ANKRD31: variants seen among roughly 807,000 people sequenced by gnomAD.
ANKRD31 encodes ankyrin repeat domain-containing protein 31.
Under a neutral mutation model 186.0 loss-of-function variants are expected in ANKRD31, and 147 were observed. The observed-to-expected ratio is 0.79, with a 90% confidence interval of 0.69 to 0.91. ANKRD31 has a LOEUF of 0.91. ANKRD31 is among the 40% of genes least tolerant of loss of function. The probability of loss-of-function intolerance (pLI) is 0.00; values close to 1 mark genes in which losing one functional copy is unlikely to be tolerated. For missense variants in ANKRD31, 1,986 were observed against 2,148.8 expected, an observed-to-expected ratio of 0.92 and a Z score of 1.50; for synonymous variants, 673 against 736.4, an observed-to-expected ratio of 0.91 and a Z score of 1.39.
intron 21 of ANKRD31, among the ~76,000 whole-genome samples, chr5:75,106,276 T>G (rs1747324661): frequency 6.6e-6 from 1 of 152,050 alleles, no homozygotes; most frequent in Non-Finnish European, 1.5e-5. Flanking sequence ...TGAAATGGTC[T>G]CAGGAACCCC....
At chr5:75,087,746 A>AAAAATATTTCTCAAAT (rs1451262473) in intron 23 of ANKRD31, among the ~76,000 whole-genome samples, 3 of 152,236 alleles carry the variant, frequency 2.0e-5, no homozygotes, top group African/African-American at 7.2e-5. Flanking sequence ...CTAAGAAAAT[A>AAAAATATTTCTCAAAT]AAAATATTTC....
chr5:75,221,243 G>C (rs1039572241), intron 3 of ANKRD31, among the ~76,000 whole-genome samples: 1 of 152,056 alleles, frequency 6.6e-6, no homozygotes, highest in African/African-American at 2.4e-5. Flanking sequence ...TAGTACCCAG[G>C]TGATAATAAT....
intron 4 of ANKRD31, among the ~76,000 whole-genome samples, chr5:75,206,861 T>A (rs1267527884): frequency 2.6e-5 from 4 of 152,190 alleles, no homozygotes; most frequent in Non-Finnish European, 4.4e-5. Flanking sequence ...TGATAGTTTG[T>A]CATTAGTTTT....
chr5:75,208,037 A>G (rs1021428473), intron 4 of ANKRD31, among the ~76,000 whole-genome samples: 3 of 152,152 alleles, frequency 2.0e-5, no homozygotes, highest in Non-Finnish European at 4.4e-5. Context: ...ACATATTAAT[A>G]TATTTTTATG....
In ANKRD31 at chr5:75,210,791, C is replaced by A. The variant is rs759868867; in HGVS notation, c.326+37G>T. On this transcript the variant is annotated intron_variant, in intron 4 of 25. Coordinates refer to ENST00000506364, the MANE Select transcript of ANKRD31 (RefSeq NM_001372053.1). Reference sequence around the variant, plus strand: ...TTAGATGTGCAAAATGACAAAAATACCTACAACATAATGAAGCCAAAAATT... The same window carrying A: ...TTAGATGTGCAAAATGACAAAAATAACTACAACATAATGAAGCCAAAAATT... The A allele has an allele frequency of 5.0e-6, 7 of 1,407,030 alleles. No homozygotes were observed. The African/African-American group carries it at 7.4e-5, about 15-fold the overall frequency. The allele number at this position is 1,407,030 out of a possible 1,614,324, so 87.2% of individuals were successfully genotyped here.
At chr5:75,107,243 T>A (rs1281593579) in intron 21 of ANKRD31, among the ~76,000 whole-genome samples, 2 of 152,004 alleles carry the variant, frequency 1.3e-5, no homozygotes, top group Admixed American at 1.3e-4. Flanking sequence ...GCCTGTGGGA[T>A]TCACAACCAG....
In ANKRD31 at chr5:75,155,262, G is replaced by T. The variant is rs192436363; in HGVS notation, c.1708-917C>A. Reference sequence around the variant, plus strand: ...TTCCAGCAATAGTCTAGTCCAATAGGTATGTATGTATGTATATATACATAA... The same window carrying T: ...TTCCAGCAATAGTCTAGTCCAATAGTTATGTATGTATGTATATATACATAA... On this transcript the variant is annotated intron_variant, in intron 11 of 25. Transcript: ENST00000506364. 7.9e-3 allele frequency among the ~76,000 whole-genome samples: 1,156 copies of T among 147,178 alleles called. 5 individuals are homozygous for T. The highest frequency in any genetic ancestry group is 0.012 in the Non-Finnish European group (803 of 67,846).
chr5:75,078,866 G>A (rs114501879), intron 25 of ANKRD31, among the ~76,000 whole-genome samples: 2,150 of 152,264 alleles, frequency 0.014, 42 homozygotes, highest in African/African-American at 0.049. Context: ...TAGGCAAAAA[G>A]GCGAGAGGCT....
Position 75,210,851 on chromosome 5 carries a change from T to C in ANKRD31, c.303A>G (p.Thr101=). The change falls in exon 4 of 26, where the codon ACA becomes ACG. Residue 101 remains threonine, a synonymous_variant. Coordinates refer to ENST00000506364, the MANE Select transcript of ANKRD31 (RefSeq NM_001372053.1). ...ACTGTAACAGAGCTTGATTTCGTTC[T>C]GTTTCATCTTGAGACTGCTAGGAAA... ...EDTILQSQDE[T]ERNQALLQTR... is the part of the protein sequence containing the mutation. 1 of 1,515,444 alleles carries C rather than the reference T, an allele frequency of 6.6e-7. No individual in the cohort carries two copies. Among genetic ancestry groups the C allele is most frequent in the Non-Finnish European group, 8.8e-7 (1 of 1,139,904 alleles). 93.9% of individuals were successfully genotyped at this position (1,515,444 alleles called of 1,614,324 possible).
chr5:75,105,662 T>C (rs560536315), intron 21 of ANKRD31, among the ~76,000 whole-genome samples: 3 of 152,304 alleles, frequency 2.0e-5, no homozygotes, highest in African/African-American at 7.2e-5. Context: ...TAAGTACAAT[T>C]TGAAAGTTCT....
chr5:75,147,189 TCTA>T lies in ANKRD31; in HGVS notation c.2219_2221del (p.Val740del), dbSNP rs1751508757. 1 of 1,536,348 alleles carries T rather than the reference TCTA, an allele frequency of 6.5e-7. No individual in the cohort carries two copies. Among genetic ancestry groups the T allele is most frequent in the Non-Finnish European group, 8.7e-7 (1 of 1,146,306 alleles). ...CTTTCTTGGATTACAGTCTACATCATCTACTTGGGTCCTTTTATGTTGTGTTTT... is the reference window on the plus strand; with the variant it reads ...CTTTCTTGGATTACAGTCTACATCATCTTGGGTCCTTTTATGTTGTGTTTT... On this transcript the variant is annotated inframe_deletion, in exon 14 of 26. Transcript: ENST00000506364.
In ANKRD31 at chr5:75,193,471, T is replaced by C. The variant is rs1755253608; in HGVS notation, c.1138A>G (p.Thr380Ala). The part of the protein sequence containing the change: ...NSVTNSSDQE[T>A]ACVLRRSSRL... ...GATGATCTCCTCAACACACACGCAG[T>C]TTCCTGATCAGAGCTATTTGTCACT... The change falls in exon 8 of 26, where the codon ACT becomes GCT. Residue 380 changes from threonine to alanine, a missense_variant. Physicochemically the swap from Thr to Ala is moderately conservative, Grantham distance 58. Transcript: ENST00000506364. The C allele has an allele frequency of 6.5e-7, 1 of 1,537,256 alleles. No homozygotes were observed. The highest frequency in any genetic ancestry group is 1.4e-5 in the African/African-American group (1 of 73,026).
At chr5:75,208,283 G>A (rs1183405720) in intron 4 of ANKRD31, among the ~76,000 whole-genome samples, 1 of 152,062 alleles carries the variant, frequency 6.6e-6, no homozygotes, top group African/African-American at 2.4e-5. Flanking sequence ...TTGGATAATT[G>A]TGAATATTGC....
chr5:75,206,711 C>G (rs916547792), intron 4 of ANKRD31, among the ~76,000 whole-genome samples: 1 of 152,070 alleles, frequency 6.6e-6, no homozygotes, highest in East Asian at 1.9e-4. Context: ...AATAAATGAC[C>G]TGAGGAGTGT....
rs571470205 is a variant in ANKRD31, at chr5:75,103,276, A to G, written c.5331+952T>C. The stretch of plus-strand genomic sequence containing the variant: ...CTCAACATCACTGATCATTAGACAA[A>G]TGCAAATCAAAACCACAATGAGATA... On this transcript the variant is annotated intron_variant, in intron 22 of 25. Transcript: ENST00000506364. Among the ~76,000 whole-genome samples, 8 of 152,346 alleles carry G rather than the reference A, an allele frequency of 5.3e-5. No homozygotes were observed. In the South Asian group the frequency reaches 6.2e-4, roughly 12 times the overall value.
rs373874636 is a variant in ANKRD31 at position 75,148,623 on chromosome 5, T to G, written c.1858A>C (p.Arg620=). Residue 620 remains arginine (R), a synonymous_variant, in exon 13 of 26, where the codon AGG becomes CGG. Coordinates refer to ENST00000506364, the MANE Select transcript of ANKRD31 (RefSeq NM_001372053.1). ...ATGTCTAGTGGGTCAATGCTACTCC[T>G]TTGAGCTGTAAACAAAAAGAGAAAA... ...KHQKCLTSAQ[R]SSIDPLDIED... 1.1e-4 allele frequency: 164 copies of G among 1,521,818 alleles called. 1 individual carries two copies. Among genetic ancestry groups the G allele is most frequent in the Admixed American group, 1.0e-3 (50 of 49,496 alleles). 94.3% of individuals were successfully genotyped at this position (1,521,818 alleles called of 1,614,324 possible). A position where few individuals can be genotyped will look rare whatever the true frequency, so the allele number is the denominator to read the frequency against.
At chr5:75,076,258 A>C (rs565234366) in intron 25 of ANKRD31, among the ~76,000 whole-genome samples, 3 of 152,294 alleles carry the variant, frequency 2.0e-5, no homozygotes, top group Non-Finnish European at 4.4e-5. Flanking sequence ...CACTTCAGAC[A>C]CCAGTTGCAG....
chr5:75,141,624 C>A (rs541850489), intron 15 of ANKRD31, among the ~76,000 whole-genome samples: 2 of 151,414 alleles, frequency 1.3e-5, no homozygotes, highest in African/African-American at 4.9e-5. Flanking sequence ...GGTGACAGAG[C>A]GAGACTCCGT....
intron 2 of ANKRD31, among the ~76,000 whole-genome samples, chr5:75,224,129 T>TTACA (rs1757468254): frequency 9.5e-6 from 1 of 105,752 alleles, no homozygotes; most frequent in Non-Finnish European, 1.9e-5. Flanking sequence ...TCAGAAATAA[T>TTACA]TATATATATA....
Sources: allele counts gnomAD v4.1 joint callset (sites outside exome capture counted in the v4.1 genomes callset), GRCh38; gene constraint gnomAD v4.1.1; transcripts MANE v1.5; gene names NCBI Gene and HGNC (gene_info 2026-07-23, HGNC 2026-07-21).